The following TCERG1L variants were observed in gnomAD, a reference collection of about 807,000 sequenced individuals.
TCERG1L encodes the protein transcription elongation regulator 1 like.
Under a neutral mutation model 56.3 loss-of-function variants are expected in TCERG1L, and 37 were observed. That is an observed-to-expected ratio of 0.66 (90% CI 0.51 to 0.87). The LOEUF is 0.87. Among genes scored for constraint, TCERG1L ranks in the 40% least tolerant of loss-of-function variants. TCERG1L has a pLI of 0.00. For missense variants in TCERG1L, 799 were observed against 774.2 expected, an observed-to-expected ratio of 1.03 and a Z score of -0.38; for synonymous variants, 324 against 326.3, an observed-to-expected ratio of 0.99 and a Z score of 0.08.
chr10:131,196,211 G>A (rs931241934), intron 4 of TCERG1L, among the ~76,000 whole-genome samples: 5 of 152,202 alleles, frequency 3.3e-5, no homozygotes, highest in African/African-American at 9.7e-5. Context: ...TCGGACTTCC[G>A]CCACTGGAGG....
At position 131,196,718 on chromosome 10, in the gene TCERG1L, CG is replaced by C. The variant is rs1589744139; in HGVS notation, c.857-29834del. Among the ~76,000 whole-genome samples the C allele has an allele frequency of 2.0e-5, 3 of 152,326 alleles. No individual in the cohort carries two copies. The East Asian group carries it at 5.8e-4, about 29-fold the overall frequency. On this transcript the variant is annotated intron_variant, in intron 4 of 11. Coordinates refer to ENST00000368642, the MANE Select transcript of TCERG1L (RefSeq NM_174937.4). ...GCTGCCTTAACAGACTCCCGTGACT[CG>C]GCCTGACTGGCTGGAACACCACCAC...
intron 4 of TCERG1L, among the ~76,000 whole-genome samples, chr10:131,211,726 T>C (rs1476909375): frequency 1.3e-5 from 2 of 152,186 alleles, no homozygotes; most frequent in East Asian, 3.9e-4. Context: ...GGCTGGGCGG[T>C]GGACTCGGGC....
At chr10:131,149,013 C>T (rs1275466647) in intron 6 of TCERG1L, among the ~76,000 whole-genome samples, 1 of 152,108 alleles carries the variant, frequency 6.6e-6, no homozygotes, top group African/African-American at 2.4e-5. Context: ...GAGAATATGA[C>T]CTGCCCTTCT....
chr10:131,136,228 C>T (rs887904671), intron 7 of TCERG1L, among the ~76,000 whole-genome samples: 1 of 152,208 alleles, frequency 6.6e-6, no homozygotes, highest in Non-Finnish European at 1.5e-5. Flanking sequence ...CTGCCTTCTG[C>T]GCGTGCTCCA....
At chr10:131,195,760 C>T (rs563032199) in intron 4 of TCERG1L, among the ~76,000 whole-genome samples, 109 of 152,350 alleles carry the variant, frequency 7.2e-4, no homozygotes, top group African/African-American at 2.3e-3. Flanking sequence ...GGGGACGCCC[C>T]TGCCATGGCC....
chr10:131,273,512 G>A (rs1450712899), intron 3 of TCERG1L, among the ~76,000 whole-genome samples: 1 of 152,234 alleles, frequency 6.6e-6, no homozygotes, highest in African/African-American at 2.4e-5. Context: ...TTTGGGAATT[G>A]TCATTTAAAA....
intron 4 of TCERG1L, among the ~76,000 whole-genome samples, chr10:131,187,358 T>C (rs1845255648): frequency 1.3e-5 from 2 of 152,304 alleles, no homozygotes; most frequent in Admixed American, 1.3e-4. Context: ...GCCCAGCCAT[T>C]GCAGAGAGCT....
chr10:131,300,284 C>T (rs928168288), intron 3 of TCERG1L, among the ~76,000 whole-genome samples: 3 of 152,054 alleles, frequency 2.0e-5, no homozygotes, highest in Non-Finnish European at 4.4e-5. Flanking sequence ...TCATAATGTC[C>T]ATTTTTATTT....
intron 4 of TCERG1L, among the ~76,000 whole-genome samples, chr10:131,232,780 C>T (rs1385105944): frequency 2.0e-5 from 3 of 152,170 alleles, no homozygotes; most frequent in Non-Finnish European, 2.9e-5. Context: ...AACCCTTCAG[C>T]TCACAGAAAG....
chr10:131,300,748 T>C (rs1038848203), intron 3 of TCERG1L, among the ~76,000 whole-genome samples: 35 of 152,190 alleles, frequency 2.3e-4, no homozygotes, highest in African/African-American at 8.0e-4. Flanking sequence ...GTTTATCACT[T>C]CTTGCTTGGT....
chr10:131,286,745 C>A (rs1245052065), intron 3 of TCERG1L, among the ~76,000 whole-genome samples: 1 of 152,158 alleles, frequency 6.6e-6, no homozygotes, highest in East Asian at 1.9e-4. Context: ...AAGTAAATTT[C>A]TTTGAAATGC....
At chr10:131,262,158 G>C (rs1203360757) in intron 3 of TCERG1L, among the ~76,000 whole-genome samples, 1 of 152,180 alleles carries the variant, frequency 6.6e-6, no homozygotes, top group Non-Finnish European at 1.5e-5. Flanking sequence ...AGCCACAGGA[G>C]GGAGCGGAGC....
At chr10:131,200,573 G>A (rs763747069) in intron 4 of TCERG1L, among the ~76,000 whole-genome samples, 8 of 152,218 alleles carry the variant, frequency 5.3e-5, no homozygotes, top group Non-Finnish European at 1.0e-4. Context: ...GGAATCGGAT[G>A]ACTTGCTTGA....
chr10:131,202,191 C>A (rs1845445177), intron 4 of TCERG1L, among the ~76,000 whole-genome samples: 1 of 152,220 alleles, frequency 6.6e-6, no homozygotes, highest in South Asian at 2.1e-4. Flanking sequence ...ACACGCTCAA[C>A]TGATTGTAAC....
chr10:131,237,698 T>A (rs1440196202), intron 4 of TCERG1L, among the ~76,000 whole-genome samples: 1 of 152,198 alleles, frequency 6.6e-6, no homozygotes, highest in Admixed American at 6.5e-5. Flanking sequence ...CCTCTGTACC[T>A]CTTGGCTTGA....
intron 4 of TCERG1L, among the ~76,000 whole-genome samples, chr10:131,234,318 G>A (rs1845889286): frequency 6.6e-6 from 1 of 152,112 alleles, no homozygotes; most frequent in African/African-American, 2.4e-5. Flanking sequence ...AGTAAGATAG[G>A]CTAATTTTAC....
chr10:131,300,771 T>C (rs56300837), intron 3 of TCERG1L, among the ~76,000 whole-genome samples: 12,496 of 150,920 alleles, frequency 0.083, 673 homozygotes, highest in South Asian at 0.24. Context: ...GTGTGTCTTG[T>C]AACTTTATTT....
intron 4 of TCERG1L, among the ~76,000 whole-genome samples, chr10:131,186,241 AG>A (rs1845244444): frequency 6.6e-6 from 1 of 152,044 alleles, no homozygotes; most frequent in Admixed American, 6.6e-5. Context: ...ACCAGTAAGG[AG>A]TTTTTTTTCA....
chr10:131,177,902 A>G (rs959023188), intron 4 of TCERG1L, among the ~76,000 whole-genome samples: 18 of 151,062 alleles, frequency 1.2e-4, no homozygotes, highest in Non-Finnish European at 1.9e-4. Flanking sequence ...CACTGCACAC[A>G]GGAGCCGTCA....
Sources: gnomAD v4.1 joint callset for allele counts (sites outside exome capture counted in the v4.1 genomes callset) on GRCh38, gnomAD v4.1.1 for gene constraint, MANE v1.5 for transcripts, NCBI Gene and HGNC (gene_info 2026-07-23, HGNC 2026-07-21) for gene names.